Variants in FANCI observed in about 807,000 individuals in gnomAD.
FANCI encodes the protein FA complementation group I, also known as Fanconi anemia group I protein.
A neutral mutation model predicts 176.1 loss-of-function variants in FANCI; 156 were observed. The ratio of observed to expected loss-of-function variants is 0.89; its 90% CI spans 0.78 to 1.01. The LOEUF is 1.01. Among genes scored for constraint, FANCI ranks in the 50% least tolerant of loss-of-function variants. FANCI has a pLI of 0.00. For synonymous variants in FANCI, 613 were observed against 541.7 expected, an observed-to-expected ratio of 1.13 and a Z score of -1.83; for missense variants, 1,678 against 1,534.1, an observed-to-expected ratio of 1.09 and a Z score of -1.57.
chr15:89,281,933 T>C, intron 16 of FANCI, 98 bp downstream of exon 16: 1 of 1,113,984 alleles, frequency 9.0e-7, no homozygotes, highest in South Asian at 1.2e-5. Context: ...TTCACAGTGA[T>C]CATGAGAATT....
rs147607096 is a variant in FANCI, at chr15:89,264,110, T to C, written c.669+84T>C. On this transcript the variant is annotated intron_variant, in intron 8 of 37. Transcript: ENST00000310775. Reference sequence around the variant, plus strand: ...AACTTATTCATACCCTTGGTTTATATAGCAGAGCAAACATAGCCGAACATA... The same window carrying C: ...AACTTATTCATACCCTTGGTTTATACAGCAGAGCAAACATAGCCGAACATA... 26 of 1,486,658 alleles carry C rather than the reference T, an allele frequency of 1.7e-5. No individual in the cohort carries two copies. The East Asian group carries it at 4.1e-4, about 23-fold the overall frequency. 92.1% of individuals were successfully genotyped at this position (1,486,658 alleles called of 1,614,324 possible). A position where few individuals can be genotyped will look rare whatever the true frequency, so the allele number is the denominator to read the frequency against.
chr15:89,266,170 T>TTC (rs1202160155), intron 9 of FANCI, among the ~76,000 whole-genome samples: 1 of 146,466 alleles, frequency 6.8e-6, no homozygotes, highest in African/African-American at 2.5e-5. Context: ...CTACTGTTTT[T>TTC]TTTTTTTTTT....
intron 20 of FANCI, among the ~76,000 whole-genome samples, chr15:89,292,036 A>T (rs1385758494): frequency 6.6e-6 from 1 of 152,218 alleles, no homozygotes; most frequent in Non-Finnish European, 1.5e-5. Context: ...CTACGAACAG[A>T]TGAACCTAGG....
intron 26 of FANCI, 121 bp downstream of exon 26, chr15:89,300,506 C>T: frequency 1.3e-6 from 1 of 778,768 alleles, no homozygotes; most frequent in Non-Finnish European, 2.2e-6. Flanking sequence ...TTTTCTGGGT[C>T]ATACAGGCAA....
rs375302668 is a variant in FANCI, at chr15:89,269,849, C to T, written c.882+1324C>T. 2.0e-4 allele frequency among the ~76,000 whole-genome samples: 30 copies of T among 150,818 alleles called. No homozygotes were observed. The South Asian group carries it at 6.3e-3, about 31-fold the overall frequency. On this transcript the variant is annotated intron_variant, in intron 10 of 37. Coordinates refer to ENST00000310775, the MANE Select transcript of FANCI (RefSeq NM_001113378.2). ...TTTTTTGGACAGAGTCTCACTGTGT[C>T]ACCCAAGCTAGAGTGCCGTGGCCCA... is the stretch of plus-strand genomic sequence containing the variant.
intron 11 of FANCI, among the ~76,000 whole-genome samples, chr15:89,273,907 C>T (rs1170339274): frequency 6.6e-6 from 1 of 151,950 alleles, no homozygotes; most frequent in Non-Finnish European, 1.5e-5. Context: ...GCCTTTTTTC[C>T]CCCTTTTTTC....
chr15:89,305,302 C>T, intron 29 of FANCI, 39 bp from the exon 30 acceptor site: 1 of 1,614,138 alleles, frequency 6.2e-7, no homozygotes, highest in Non-Finnish European at 8.5e-7. Context: ...AGGGAACAAC[C>T]TTACTGTCAT....
Position 89,274,237 on chromosome 15 carries a change from T to G in FANCI, c.1045T>G (p.Phe349Val). 10 of 1,611,718 alleles carry G rather than the reference T, an allele frequency of 6.2e-6. No homozygotes were observed. Among genetic ancestry groups the G allele is most frequent in the Non-Finnish European group, 8.5e-6 (10 of 1,178,864 alleles). Reference protein sequence around the residue: ...KDLQLLQGSKFLQNLVPHRSY... With the variant: ...KDLQLLQGSKVLQNLVPHRSY... ...TCTTCAACTCCTCCAAGGCTCAAAA[T>G]TTCTTCAGAATCTAGTTCCTCATAG... Residue 349 changes from phenylalanine to valine, a missense_variant, in exon 12 of 38, where the codon TTT becomes GTT. Transcript: ENST00000310775.
intron 34 of FANCI, 111 bp downstream of exon 34, chr15:89,307,783 A>AG: frequency 6.3e-7 from 1 of 1,579,816 alleles, no homozygotes; most frequent in Non-Finnish European, 8.6e-7. Context: ...TTCCCTGCTT[A>AG]CCACAAGCTG....
intron 5 of FANCI, 21 bp from the exon 6 acceptor site, chr15:89,261,800 C>T (rs1332886517): frequency 3.1e-6 from 5 of 1,613,996 alleles, no homozygotes; most frequent in Non-Finnish European, 4.2e-6. Flanking sequence ...ATTCATTGCT[C>T]AGTATATTTT....
At chr15:89,301,604 T>C (rs1472026913) in intron 27 of FANCI, among the ~76,000 whole-genome samples, 162 bp downstream of exon 27, 1 of 152,244 alleles carries the variant, frequency 6.6e-6, no homozygotes, top group Admixed American at 6.5e-5. Context: ...AGATGTATTC[T>C]TTCCTGTGTA....
At chr15:89,308,308 C>T (rs761778712) in intron 34 of FANCI, 4 of 355,524 alleles carry the variant, frequency 1.1e-5, no homozygotes, top group Non-Finnish European at 1.6e-5. Flanking sequence ...TTTTAACAGC[C>T]AAAAATGTCT....
chr15:89,266,504 T>A (rs555595365), intron 9 of FANCI, among the ~76,000 whole-genome samples: 1 of 152,118 alleles, frequency 6.6e-6, no homozygotes, highest in African/African-American at 2.4e-5. Flanking sequence ...ACTTTTTGTA[T>A]TTTTAGTAGA....
intron 9 of FANCI, among the ~76,000 whole-genome samples, chr15:89,264,854 G>A (rs555945553): frequency 1.2e-4 from 18 of 152,296 alleles, no homozygotes; most frequent in Admixed American, 4.6e-4. Context: ...TTAGGTGTCA[G>A]CTCTCTGCCA....
At chr15:89,245,204 C>T (rs1269082436) in intron 1 of FANCI, 2 of 149,646 alleles carry the variant, frequency 1.3e-5, no homozygotes, top group African/African-American at 2.5e-5. Context: ...GAGTCTCCCT[C>T]TGTTGCCAGG....
chr15:89,276,845 A>T lies in FANCI; in HGVS notation c.1247A>T (p.Gln416Leu), dbSNP rs755293832. Reference protein sequence around the residue: ...TSPSLSRMPNQHACKLGANIL... With the variant: ...TSPSLSRMPNLHACKLGANIL... Reference sequence around the variant, plus strand: ...CCAAGTCTTTCTAGAATGCCAAACCAGCATGCATGTAAGCTCGGAGCTAAT... The same window carrying T: ...CCAAGTCTTTCTAGAATGCCAAACCTGCATGCATGTAAGCTCGGAGCTAAT... Residue 416 changes from glutamine (Q) to leucine (L), a missense_variant, in exon 13 of 38, where the codon CAG becomes CTG. Transcript: ENST00000310775. 1 of 1,614,212 alleles carries T rather than the reference A, an allele frequency of 6.2e-7. No homozygotes were observed. Among genetic ancestry groups the T allele is most frequent in the Non-Finnish European group, 8.5e-7 (1 of 1,180,036 alleles).
At chr15:89,288,803 T>TA (rs2053935461) in intron 18 of FANCI, among the ~76,000 whole-genome samples, 1 of 149,586 alleles carries the variant, frequency 6.7e-6, no homozygotes, top group South Asian at 2.1e-4. Flanking sequence ...TTCTGTTTGT[T>TA]TTTTTTTTTA....
intron 6 of FANCI, among the ~76,000 whole-genome samples, chr15:89,263,173 C>T (rs1026458029): frequency 4.6e-5 from 7 of 152,310 alleles, no homozygotes; most frequent in East Asian, 1.9e-4. Flanking sequence ...TTCCCTAAAA[C>T]GGTATGTGAA....
intron 18 of FANCI, among the ~76,000 whole-genome samples, chr15:89,288,518 G>T (rs2053916196): frequency 6.6e-6 from 1 of 151,766 alleles, no homozygotes; most frequent in Non-Finnish European, 1.5e-5. Context: ...GTGTATGCCA[G>T]ATTGCCATTT....
Sources: allele counts gnomAD v4.1 joint callset (sites outside exome capture counted in the v4.1 genomes callset), GRCh38; gene constraint gnomAD v4.1.1; transcripts MANE v1.5; gene names NCBI Gene and HGNC (gene_info 2026-07-23, HGNC 2026-07-21).